The following GRSF1 variants were observed in gnomAD, a reference collection of about 807,000 sequenced individuals.
GRSF1 encodes the protein G-rich sequence factor 1.
In GRSF1, 50 loss-of-function variants were observed where a neutral mutation model predicts 51.1. That is an observed-to-expected ratio of 0.98 (90% confidence interval 0.78 to 1.24). GRSF1 has a LOEUF of 1.24. Ranked by LOEUF, GRSF1 falls within the 50% of genes most tolerant of loss-of-function variation. The probability of loss-of-function intolerance (pLI) is 0.00; values close to 1 mark genes in which losing one functional copy is unlikely to be tolerated. For synonymous variants in GRSF1, 293 were observed against 253.3 expected (o/e 1.16, Z -1.49); for missense variants, 700 against 639.7 (o/e 1.09, Z -1.02).
At chr4:70,838,584 G>C (rs1216334439) in intron 1 of GRSF1, among the ~76,000 whole-genome samples, 2 of 152,130 alleles carry the variant, frequency 1.3e-5, no homozygotes, top group Non-Finnish European at 2.9e-5. Context: ...TATGACCTAA[G>C]GAATCAGGGG....
intron 3 of GRSF1, among the ~76,000 whole-genome samples, 193 bp downstream of exon 3, chr4:70,832,925 G>T (rs1020309820): frequency 6.6e-6 from 1 of 152,176 alleles, no homozygotes; most frequent in African/African-American, 2.4e-5. Flanking sequence ...TCCAGCCTGG[G>T]TGACAGAGTG....
chr4:70,821,851 T>C (rs1733523268), intron 9 of GRSF1, among the ~76,000 whole-genome samples: 1 of 152,074 alleles, frequency 6.6e-6, no homozygotes, highest in Admixed American at 6.5e-5. Flanking sequence ...AATTTTTGTA[T>C]TTTTAGGAGA....
At chr4:70,840,399 G>A (rs1001351866), upstream of GRSF1, among the ~76,000 whole-genome samples, 19 of 152,244 alleles carry the variant, frequency 1.2e-4, no homozygotes, top group Non-Finnish European at 2.5e-4. Context: ...GCAGAGGCGG[G>A]TGGACTGCCT....
chr4:70,819,379 T>C lies in GRSF1; in HGVS notation c.*1508A>G, dbSNP rs1322725331. 1 of 152,178 alleles carries C rather than the reference T, an allele frequency of 6.6e-6. No homozygotes were observed. Among genetic ancestry groups the C allele is most frequent in the African/African-American group, 2.4e-5 (1 of 41,448 alleles). 9.4% of individuals were successfully genotyped at this position (152,178 alleles called of 1,614,324 possible). ...ATTTCCATCTAGGCAGTACTACTGATGATGTTAAGCTGGTTAAGTCATGTT... is the reference window on the plus strand; with the variant it reads ...ATTTCCATCTAGGCAGTACTACTGACGATGTTAAGCTGGTTAAGTCATGTT... On this transcript the variant is annotated 3_prime_UTR_variant, in exon 10 of 10. Transcript: ENST00000254799.
At chr4:70,824,000 T>C (rs2148836264) in intron 9 of GRSF1, among the ~76,000 whole-genome samples, 1 of 90,536 alleles carries the variant, frequency 1.1e-5, no homozygotes, top group East Asian at 3.8e-4. Context: ...TTTTTGAGTC[T>C]CGCTCTGTTG....
chr4:70,827,156 C>A (rs1441009058), intron 6 of GRSF1, among the ~76,000 whole-genome samples: 3 of 152,014 alleles, frequency 2.0e-5, no homozygotes, highest in African/African-American at 7.2e-5. Flanking sequence ...GGCACGGTGG[C>A]AGGCGCCTGT....
intron 1 of GRSF1, 92 bp downstream of exon 1, chr4:70,839,379 C>A (rs1578312688): frequency 6.6e-7 from 1 of 1,505,586 alleles, no homozygotes; most frequent in Non-Finnish European, 8.9e-7. Context: ...GGCGTGCCCG[C>A]GAGGCGCACA....
rs1012858405 is a variant in GRSF1 at position 70,819,470 on chromosome 4, T to C, written c.*1417A>G. The C allele has an allele frequency of 2.0e-5, 3 of 152,194 alleles. No homozygotes were observed. The highest frequency in any genetic ancestry group is 7.2e-5 in the African/African-American group (3 of 41,442). 9.4% of individuals were successfully genotyped at this position (152,194 alleles called of 1,614,324 possible). A position where few individuals can be genotyped will look rare whatever the true frequency, so the allele number is the denominator to read the frequency against. On this transcript the variant is annotated 3_prime_UTR_variant, in exon 10 of 10. Coordinates refer to ENST00000254799, the MANE Select transcript of GRSF1 (RefSeq NM_002092.4). ...ACTACTTATATTAATATAGCAGGAC[T>C]TGAGGTAATAATATATTCAGTTGAC... is the stretch of plus-strand genomic sequence containing the variant.
intron 6 of GRSF1, among the ~76,000 whole-genome samples, chr4:70,827,105 C>T (rs1469824499): frequency 3.3e-5 from 5 of 151,790 alleles, no homozygotes; most frequent in East Asian, 2.0e-4. Flanking sequence ...CTGGCCAACA[C>T]GGGGAAACCC....
chr4:70,832,159 A>C, intron 4 of GRSF1, 148 bp downstream of exon 4: 1 of 492,638 alleles, frequency 2.0e-6, no homozygotes, highest in Non-Finnish European at 3.4e-6. Flanking sequence ...AAATCTATAA[A>C]TATTAGAAAT....
chr4:70,836,605 G>C (rs936401413), intron 1 of GRSF1, among the ~76,000 whole-genome samples: 1 of 152,136 alleles, frequency 6.6e-6, no homozygotes. Context: ...GGCAACACAA[G>C]AAAGGTCCTG....
At chr4:70,822,355 A>G (rs568172837) in intron 9 of GRSF1, among the ~76,000 whole-genome samples, 2 of 151,094 alleles carry the variant, frequency 1.3e-5, no homozygotes, top group East Asian at 4.0e-4. Context: ...GGCTGAGGCT[A>G]GCGGATCACT....
At chr4:70,837,846 G>C (rs1734279725) in intron 1 of GRSF1, among the ~76,000 whole-genome samples, 1 of 151,434 alleles carries the variant, frequency 6.6e-6, no homozygotes, top group South Asian at 2.1e-4. Context: ...CACCATGTTG[G>C]TTAGCCTGCT....
upstream of GRSF1, among the ~76,000 whole-genome samples, chr4:70,842,247 C>G (rs1214508178): frequency 6.6e-6 from 1 of 152,130 alleles, no homozygotes. Context: ...GGGTTGAGGC[C>G]CCTCTGGAAA....
upstream of GRSF1, among the ~76,000 whole-genome samples, chr4:70,840,197 A>G (rs900778743): frequency 3.6e-5 from 5 of 140,318 alleles, no homozygotes; most frequent in African/African-American, 1.3e-4. Context: ...GGGGCTGCCC[A>G]TGGTTTGGGC....
At chr4:70,839,127 G>A in intron 1 of GRSF1, 2 of 1,305,518 alleles carry the variant, frequency 1.5e-6, no homozygotes, top group Non-Finnish European at 2.0e-6. Context: ...CCAGCCGGCG[G>A]AAAGCAAGAA....
At chr4:70,840,624 G>A (rs1400080957), upstream of GRSF1, among the ~76,000 whole-genome samples, 1 of 152,174 alleles carries the variant, frequency 6.6e-6, no homozygotes, top group Non-Finnish European at 1.5e-5. Flanking sequence ...TTAGCCGGGT[G>A]TGGTGACGGG....
rs904179876 is a variant in GRSF1 at position 70,839,640 on chromosome 4, G to C, written c.188C>G (p.Thr63Arg). ...LGAAAAAASQ[T>R]RGLQTGPVPP... ...CACAGGCCCGGTCTGGAGGCCACGC[G>C]TCTGGGAGGCAGCGGCCGCGGCGGC... Residue 63 changes from threonine to arginine, a missense_variant, in exon 1 of 10, where the codon ACG becomes AGG. Thr to Arg is a moderately conservative substitution (Grantham distance 71, BLOSUM62 -1). Coordinates refer to ENST00000254799, the MANE Select transcript of GRSF1 (RefSeq NM_002092.4). 6 of 1,399,704 alleles carry C rather than the reference G, an allele frequency of 4.3e-6. No individual in the cohort carries two copies. Among genetic ancestry groups the C allele is most frequent in the Admixed American group, 7.4e-5 (2 of 27,048 alleles). 86.7% of individuals were successfully genotyped at this position (1,399,704 alleles called of 1,614,324 possible). A position where few individuals can be genotyped will look rare whatever the true frequency, so the allele number is the denominator to read the frequency against.
chr4:70,827,622 A>T (rs1733788413), intron 6 of GRSF1, among the ~76,000 whole-genome samples: 2 of 152,074 alleles, frequency 1.3e-5, no homozygotes. Context: ...TACTAAAAAT[A>T]TAAAAATTGG....
Sources: gnomAD v4.1 joint callset for allele counts (sites outside exome capture counted in the v4.1 genomes callset) on GRCh38, gnomAD v4.1.1 for gene constraint, MANE v1.5 for transcripts, NCBI Gene and HGNC (gene_info 2026-07-23, HGNC 2026-07-21) for gene names.